DTNBP1: variants seen among roughly 807,000 people sequenced by gnomAD.
DTNBP1 encodes dystrobrevin binding protein 1, also known as dysbindin.
In DTNBP1, 35 loss-of-function variants were observed where a neutral mutation model predicts 42.8. The observed-to-expected ratio is 0.82, with a 90% CI of 0.63 to 1.09. The LOEUF is 1.09. Among genes scored for constraint, DTNBP1 ranks in the 50% least tolerant of loss-of-function variants. The pLI is 0.00. For synonymous variants in DTNBP1, 171 were observed against 162.2 expected (o/e 1.05, Z -0.41); for missense variants, 457 against 424.2 (o/e 1.08, Z -0.68).
At chr6:15,655,568 GT>G (rs928331008) in intron 1 of DTNBP1, among the ~76,000 whole-genome samples, 1 of 150,986 alleles carries the variant, frequency 6.6e-6, no homozygotes, top group African/African-American at 2.4e-5. Context: ...GTTGGAAATA[GT>G]CATCTTTTTC....
intron 7 of DTNBP1, among the ~76,000 whole-genome samples, chr6:15,581,761 G>A (rs1775849044): frequency 6.6e-6 from 1 of 152,172 alleles, no homozygotes; most frequent in South Asian, 2.1e-4. Flanking sequence ...TTACAGGCAT[G>A]AGCCATCGCG....
chr6:15,613,231 A>T (rs1758515598), intron 6 of DTNBP1, among the ~76,000 whole-genome samples: 1 of 149,906 alleles, frequency 6.7e-6, no homozygotes, highest in African/African-American at 2.5e-5. Context: ...TTAACCCAGG[A>T]GGCGGAGGTT....
chr6:15,556,659 C>A (rs1263182744), intron 7 of DTNBP1, among the ~76,000 whole-genome samples: 1 of 152,300 alleles, frequency 6.6e-6, no homozygotes, highest in Middle Eastern at 3.4e-3. Flanking sequence ...GCCACCTGAA[C>A]TTTTGATTCA....
chr6:15,553,593 G>GTTTTTTTT (rs1168459056), intron 7 of DTNBP1, among the ~76,000 whole-genome samples: 1 of 14,266 alleles, frequency 7.0e-5, no homozygotes. Flanking sequence ...TGACAAGTGA[G>GTTTTTTTT]CTTTTTTTTT....
At chr6:15,648,566 C>A (rs548261264) in intron 3 of DTNBP1, among the ~76,000 whole-genome samples, 5 of 152,004 alleles carry the variant, frequency 3.3e-5, no homozygotes, top group African/African-American at 1.2e-4. Flanking sequence ...TAAATCAACA[C>A]ACAACAATTA....
intron 7 of DTNBP1, among the ~76,000 whole-genome samples, chr6:15,586,269 T>C (rs564944435): frequency 6.6e-6 from 1 of 152,346 alleles, no homozygotes; most frequent in East Asian, 1.9e-4. Flanking sequence ...CTAAAGGTTT[T>C]TTCAAATTCA....
chr6:15,598,798 T>C (rs1358208900), intron 6 of DTNBP1, among the ~76,000 whole-genome samples: 1 of 152,300 alleles, frequency 6.6e-6, no homozygotes, highest in Non-Finnish European at 1.5e-5. Context: ...CATTTATTCT[T>C]ATACAAAACC....
chr6:15,523,995 G>T, intron 9 of DTNBP1: 1 of 1,288,126 alleles, frequency 7.8e-7, no homozygotes, highest in Non-Finnish European at 1.0e-6. Flanking sequence ...TACAGGTCTG[G>T]CACCTCAGCC....
chr6:15,549,404 G>A (rs764403241), intron 7 of DTNBP1, among the ~76,000 whole-genome samples: 4 of 146,640 alleles, frequency 2.7e-5, no homozygotes, highest in Non-Finnish European at 5.9e-5. Context: ...TGAGTCGCTT[G>A]AACCCAGGAG....
At chr6:15,539,505 C>T (rs995802142) in intron 7 of DTNBP1, among the ~76,000 whole-genome samples, 4 of 152,238 alleles carry the variant, frequency 2.6e-5, no homozygotes, top group Non-Finnish European at 4.4e-5. Flanking sequence ...GAGGGTCCCA[C>T]CTCACAGCCA....
intron 4 of DTNBP1, among the ~76,000 whole-genome samples, chr6:15,636,157 CTTTT>C (rs70996562): frequency 7.9e-6 from 1 of 127,026 alleles, no homozygotes; most frequent in Non-Finnish European, 1.6e-5. Flanking sequence ...TTACCTGCAC[CTTTT>C]TTTTTTTTTT....
chr6:15,599,610 T>A (rs535439465), intron 6 of DTNBP1, among the ~76,000 whole-genome samples: 92 of 152,276 alleles, frequency 6.0e-4, no homozygotes, highest in African/African-American at 2.1e-3. Flanking sequence ...AAGTACATTA[T>A]TTTTAGGAAA....
intron 7 of DTNBP1, among the ~76,000 whole-genome samples, chr6:15,590,566 T>G (rs1581367468): frequency 6.6e-6 from 1 of 152,222 alleles, no homozygotes; most frequent in East Asian, 1.9e-4. Context: ...ATAATGGAAT[T>G]CCTTCCCCAT....
intron 6 of DTNBP1, 70 bp from the exon 7 acceptor site, chr6:15,593,151 A>G (rs1001479173): frequency 1.4e-5 from 19 of 1,400,722 alleles, no homozygotes; most frequent in Non-Finnish European, 1.8e-5. Flanking sequence ...CTGTTCTTCC[A>G]TCATAATAAA....
chr6:15,524,371 G>A (rs751191378), intron 9 of DTNBP1, 155 bp downstream of exon 9: 1 of 1,613,664 alleles, frequency 6.2e-7, no homozygotes, highest in African/African-American at 1.3e-5. Context: ...CTGCCACACA[G>A]CCGTGTGGAA....
intron 7 of DTNBP1, among the ~76,000 whole-genome samples, chr6:15,565,340 G>A (rs79407593): frequency 2.0e-3 from 310 of 152,240 alleles, no homozygotes; most frequent in African/African-American, 7.2e-3. Context: ...AGGAATCTAC[G>A]CAAGAGGATG....
intron 6 of DTNBP1, among the ~76,000 whole-genome samples, chr6:15,609,993 G>C (rs966381566): frequency 6.6e-6 from 1 of 152,098 alleles, no homozygotes; most frequent in Non-Finnish European, 1.5e-5. Flanking sequence ...GGACCTACTG[G>C]GGAAAAGGGC....
In DTNBP1 at chr6:15,649,318, T is replaced by C. The variant is rs142449239; in HGVS notation, c.161+1995A>G. Among the ~76,000 whole-genome samples, 74 of 152,262 alleles carry C rather than the reference T, an allele frequency of 4.9e-4. 1 individual carries two copies. In the Middle Eastern group the frequency reaches 0.01, roughly 21 times the overall value. On this transcript the variant is annotated intron_variant, in intron 3 of 9. Transcript: ENST00000344537. ...AATATGGTACATACTTACAATAGAATATTCAGCTTTTCAAAGAAAGAAAAT... is the reference window on the plus strand; with the variant it reads ...AATATGGTACATACTTACAATAGAACATTCAGCTTTTCAAAGAAAGAAAAT...
At chr6:15,633,081 T>C (rs1028925358) in intron 4 of DTNBP1, among the ~76,000 whole-genome samples, 3 of 152,242 alleles carry the variant, frequency 2.0e-5, no homozygotes, top group Non-Finnish European at 2.9e-5. Flanking sequence ...GTCTACACAC[T>C]GAGGCTGTAT....
Sources: gnomAD v4.1 joint callset for allele counts (sites outside exome capture counted in the v4.1 genomes callset) on GRCh38, gnomAD v4.1.1 for gene constraint, MANE v1.5 for transcripts, NCBI Gene and HGNC (gene_info 2026-07-23, HGNC 2026-07-21) for gene names.